Variants in SPATA18 observed in about 807,000 individuals in gnomAD.
SPATA18 encodes spermatogenesis associated 18, also known as mitochondria-eating protein.
SPATA18 carries 54 observed loss-of-function variants against 68.1 expected under a neutral mutation model. The ratio of observed to expected loss-of-function variants is 0.79; its 90% confidence interval spans 0.64 to 0.99. The LOEUF is 0.99. Ranked by LOEUF, SPATA18 falls within the 50% of genes least tolerant of loss-of-function variation. The pLI, the probability that SPATA18 is intolerant of heterozygous loss-of-function variation, is 0.00. For synonymous variants in SPATA18, 242 were observed against 244.8 expected (o/e 0.99, Z 0.11); for missense variants, 724 against 681.1 (o/e 1.06, Z -0.70).
chr4:52,086,038 A>G (rs1231683835), intron 11 of SPATA18, among the ~76,000 whole-genome samples: 3 of 152,208 alleles, frequency 2.0e-5, no homozygotes, highest in East Asian at 1.9e-4. Context: ...TGGACACCAA[A>G]TAGGCTAACA....
Position 52,096,026 on chromosome 4 carries a change from A to C in SPATA18, c.*1139A>C, listed in dbSNP as rs1420179890. The C allele has an allele frequency of 6.6e-6, 1 of 152,150 alleles. No homozygotes were observed. Among genetic ancestry groups the C allele is most frequent in the Non-Finnish European group, 1.5e-5 (1 of 68,024 alleles). 9.4% of individuals were successfully genotyped at this position (152,150 alleles called of 1,614,324 possible). A position where few individuals can be genotyped will look rare whatever the true frequency, so the allele number is the denominator to read the frequency against. ...TTGAGAGAGACACTGAATTGGCCTCAGCTCAGTTTTGCATAAGCTTAGTGC... is the reference window on the plus strand; with the variant it reads ...TTGAGAGAGACACTGAATTGGCCTCCGCTCAGTTTTGCATAAGCTTAGTGC... On this transcript the variant is annotated 3_prime_UTR_variant, in exon 13 of 13. Transcript: ENST00000295213.
chr4:52,071,260 C>T (rs1739816550), intron 5 of SPATA18, among the ~76,000 whole-genome samples: 2 of 152,206 alleles, frequency 1.3e-5, no homozygotes, highest in Admixed American at 1.3e-4. Context: ...AGCATCTTCT[C>T]TTCTCCTGGC....
At chr4:52,052,676 A>T (rs1738004503) in intron 1 of SPATA18, among the ~76,000 whole-genome samples, 1 of 152,144 alleles carries the variant, frequency 6.6e-6, no homozygotes, top group South Asian at 2.1e-4. Flanking sequence ...AAATTATTTA[A>T]CTTCTCTTGG....
At chr4:52,071,810 C>A (rs1739867704) in intron 5 of SPATA18, 107 bp from the exon 6 acceptor site, 2 of 1,092,240 alleles carry the variant, frequency 1.8e-6, no homozygotes, top group Non-Finnish European at 2.6e-6. Flanking sequence ...GGCTGAGTAG[C>A]CTCTGTTGTT....
intron 9 of SPATA18, 47 bp from the exon 10 acceptor site, chr4:52,082,340 T>G (rs1740998983): frequency 1.3e-6 from 2 of 1,559,864 alleles, no homozygotes; most frequent in Non-Finnish European, 1.8e-6. Context: ...CTAGATATGC[T>G]CCATAATTGC....
chr4:52,061,778 C>T (rs1738879596), intron 3 of SPATA18, among the ~76,000 whole-genome samples: 1 of 152,114 alleles, frequency 6.6e-6, no homozygotes, highest in African/African-American at 2.4e-5. Context: ...ATGTTAAGTA[C>T]TTTATAGACT....
intron 4 of SPATA18, among the ~76,000 whole-genome samples, chr4:52,063,099 CTA>C (rs1739026559): frequency 6.6e-6 from 1 of 152,098 alleles, no homozygotes; most frequent in Non-Finnish European, 1.5e-5. Flanking sequence ...GGAATTTCTC[CTA>C]CCACAGCATT....
chr4:52,080,535 G>T (rs532765423), intron 9 of SPATA18, among the ~76,000 whole-genome samples: 1 of 152,230 alleles, frequency 6.6e-6, no homozygotes, highest in African/African-American at 2.4e-5. Context: ...GATTTCTTGA[G>T]ATCACAGGAT....
intron 1 of SPATA18, among the ~76,000 whole-genome samples, chr4:52,054,924 G>T (rs971296289): frequency 6.6e-6 from 1 of 151,704 alleles, no homozygotes; most frequent in South Asian, 2.1e-4. Context: ...ATGTGTAGGG[G>T]TATGTGACTT....
rs922442100 is a variant in SPATA18, at chr4:52,077,039, T to C, written c.1019T>C (p.Val340Ala). 8 of 1,598,154 alleles carry C rather than the reference T, an allele frequency of 5.0e-6. No individual in the cohort carries two copies. The highest frequency in any genetic ancestry group is 1.3e-5 in the African/African-American group (1 of 74,510). ...CAGCGGATCATCTACATCGCCACAG[T>C]GGTATGTGACGCCTGCGGGACTCCC... is the stretch of plus-strand genomic sequence containing the variant. ...TVQRIIYIATVEAFHVAKMAF... is the reference protein window; with the variant it reads ...TVQRIIYIATAEAFHVAKMAF... The change falls in exon 7 of 13, where the codon GTG becomes GCG. Residue 340 changes from valine (V) to alanine (A), a missense_variant and splice_region_variant. By Grantham distance (64) the Val-to-Ala change is moderately conservative. Coordinates refer to ENST00000295213, the MANE Select transcript of SPATA18 (RefSeq NM_145263.4).
chr4:52,064,183 CTA>C (rs71193057), intron 4 of SPATA18, among the ~76,000 whole-genome samples: 144 of 145,858 alleles, frequency 9.9e-4, no homozygotes, highest in African/African-American at 2.3e-3. Context: ...CCTTCTCTTT[CTA>C]TATATATATA....
At chr4:52,055,977 CCTT>C (rs1251526885) in intron 1 of SPATA18, among the ~76,000 whole-genome samples, 5 of 152,090 alleles carry the variant, frequency 3.3e-5, no homozygotes, top group Admixed American at 6.6e-5. Flanking sequence ...TAAACCATGC[CCTT>C]CTGCTTCTTG....
chr4:52,056,312 C>T (rs895121782), intron 1 of SPATA18, among the ~76,000 whole-genome samples: 10 of 152,218 alleles, frequency 6.6e-5, no homozygotes, highest in Non-Finnish European at 1.5e-4. Flanking sequence ...TTTGAGAGCT[C>T]AGCTCCAGTG....
intron 8 of SPATA18, among the ~76,000 whole-genome samples, chr4:52,079,332 A>G (rs1740702289): frequency 6.6e-6 from 1 of 152,176 alleles, no homozygotes; most frequent in African/African-American, 2.4e-5. Context: ...AAAGTAGGCA[A>G]TTTGCTTAGC....
chr4:52,076,996 G>T lies in SPATA18; in HGVS notation c.976G>T (p.Asp326Tyr), dbSNP rs748544911. Reference protein sequence around the residue: ...DAQCLLRRCIDKAETVQRIIY... With the variant: ...DAQCLLRRCIYKAETVQRIIY... ...GCAGTGCCTGCTGCGGCGCTGCATC[G>T]ACAAGGCTGAGACCGTTCAGCGGAT... Residue 326 changes from aspartate (D) to tyrosine (Y), a missense_variant, in exon 7 of 13, where the codon GAC (aspartate) becomes TAC (tyrosine). Physicochemically the swap from Asp to Tyr is radical, Grantham distance 160. Transcript: ENST00000295213. 1.9e-6 allele frequency: 3 copies of T among 1,612,310 alleles called. No homozygotes were observed. The highest frequency in any genetic ancestry group is 8.5e-7 in the Non-Finnish European group (1 of 1,179,154).
chr4:52,061,937 C>A (rs934554132), intron 3 of SPATA18, among the ~76,000 whole-genome samples: 1 of 152,114 alleles, frequency 6.6e-6, no homozygotes, highest in Non-Finnish European at 1.5e-5. Context: ...TCAGTGAAAT[C>A]CATAGATTGC....
intron 1 of SPATA18, among the ~76,000 whole-genome samples, chr4:52,056,767 C>A (rs1043975148): frequency 6.6e-6 from 1 of 152,158 alleles, no homozygotes; most frequent in Non-Finnish European, 1.5e-5. Context: ...TACCTCCCCA[C>A]CAGACTCACC....
intron 11 of SPATA18, among the ~76,000 whole-genome samples, chr4:52,091,837 G>T (rs1741988823): frequency 6.6e-6 from 1 of 152,162 alleles, no homozygotes; most frequent in South Asian, 2.1e-4. Flanking sequence ...AGAGCCATCA[G>T]GCTGGGACGT....
intron 4 of SPATA18, among the ~76,000 whole-genome samples, chr4:52,064,218 C>T (rs1233682784): frequency 1.3e-5 from 2 of 150,510 alleles, no homozygotes; most frequent in Non-Finnish European, 3.0e-5. Context: ...CTCCACCAAC[C>T]ATTTGGAAGT....
Sources: gnomAD v4.1 joint callset for allele counts (sites outside exome capture counted in the v4.1 genomes callset) on GRCh38, gnomAD v4.1.1 for gene constraint, MANE v1.5 for transcripts, NCBI Gene and HGNC (gene_info 2026-07-23, HGNC 2026-07-21) for gene names.